Variants in KIF18A observed in about 807,000 individuals in gnomAD.
KIF18A encodes the protein kinesin-like protein KIF18A.
Under a neutral mutation model 103.3 loss-of-function variants are expected in KIF18A, and 67 were observed. That is an observed-to-expected ratio of 0.65 (90% CI 0.53 to 0.79). KIF18A has a LOEUF of 0.79. KIF18A is among the 30% of genes least tolerant of loss of function. KIF18A has a pLI of 0.00. For synonymous variants in KIF18A, 367 were observed against 355.5 expected, an observed-to-expected ratio of 1.03 and a Z score of -0.36; for missense variants, 1,032 against 1,062.5, an observed-to-expected ratio of 0.97 and a Z score of 0.40.
intron 15 of KIF18A, 126 bp downstream of exon 15, chr11:28,035,261 T>G: frequency 2.3e-6 from 1 of 426,184 alleles, no homozygotes. Context: ...TCAGAGAAAT[T>G]TATCCTAAGT....
intron 15 of KIF18A, among the ~76,000 whole-genome samples, chr11:28,034,178 T>C (rs1018727524): frequency 6.6e-6 from 1 of 151,728 alleles, no homozygotes; most frequent in Admixed American, 6.6e-5. Context: ...GTTGAAATTA[T>C]TACAGTTAAA....
intron 16 of KIF18A, among the ~76,000 whole-genome samples, chr11:28,022,860 AG>A (rs1565066661): frequency 2.6e-5 from 4 of 152,204 alleles, no homozygotes; most frequent in Admixed American, 2.0e-4. Flanking sequence ...AAAGTTACTG[AG>A]GAATTTTATA....
chr11:28,028,762 C>A (rs1182066178), intron 15 of KIF18A, among the ~76,000 whole-genome samples: 2 of 151,776 alleles, frequency 1.3e-5, no homozygotes, highest in African/African-American at 4.8e-5. Context: ...AAAAGATCAA[C>A]AAAATTGATA....
At chr11:28,082,772 T>C (rs922520044) in intron 9 of KIF18A, 84 bp downstream of exon 9, 5 of 777,380 alleles carry the variant, frequency 6.4e-6, no homozygotes, top group Non-Finnish European at 1.0e-5. Context: ...ATAAAAGACA[T>C]AACAAATGAT....
chr11:28,052,514 T>C (rs2133516460), intron 13 of KIF18A, among the ~76,000 whole-genome samples: 1 of 152,166 alleles, frequency 6.6e-6, no homozygotes, highest in East Asian at 1.9e-4. Flanking sequence ...AAGTTTCTTC[T>C]CCCAGATATT....
Position 28,036,410 on chromosome 11 carries a change from T to C in KIF18A, c.2203A>G (p.Ile735Val), listed in dbSNP as rs10458896. ...PSSFTTSFQA[I>V]SSNINSDNCL... The stretch of plus-strand genomic sequence containing the variant: ...TTATCACTGTTTATGTTTGAGCTGA[T>C]AGCCTGAAAACTTGTAGTAAATGAT... The change falls in exon 14 of 17, where the codon ATC becomes GTC. Residue 735 changes from isoleucine to valine, a missense_variant. Ile to Val is a conservative substitution (Grantham distance 29). Transcript: ENST00000263181. 0.31 allele frequency: 497,428 copies of C among 1,609,618 alleles called. 81,830 individuals are homozygous for C. Among genetic ancestry groups the C allele is most frequent in the African/African-American group, 0.6 (44,989 of 74,648 alleles).
chr11:28,103,699 A>T (rs1851472276), intron 1 of KIF18A, among the ~76,000 whole-genome samples: 1 of 152,116 alleles, frequency 6.6e-6, no homozygotes, highest in Non-Finnish European at 1.5e-5. Flanking sequence ...AAATGCTCAC[A>T]GACCCCAAAA....
chr11:28,044,896 A>T (rs934611202), intron 13 of KIF18A, among the ~76,000 whole-genome samples: 2 of 152,210 alleles, frequency 1.3e-5, no homozygotes, highest in East Asian at 3.9e-4. Flanking sequence ...CACAGCTAAA[A>T]ATAAAAACAA....
intron 10 of KIF18A, among the ~76,000 whole-genome samples, chr11:28,074,902 ACTC>A (rs1851069832): frequency 6.6e-6 from 1 of 152,084 alleles, no homozygotes; most frequent in South Asian, 2.1e-4. Context: ...ATACAAATAA[ACTC>A]ATCACCAATG....
Position 28,094,805 on chromosome 11 carries a change from G to C in KIF18A, c.326-5C>G. 6.2e-7 allele frequency: 1 copy of C among 1,613,346 alleles called. No homozygotes were observed. The highest frequency in any genetic ancestry group is 8.5e-7 in the Non-Finnish European group (1 of 1,179,424). The stretch of plus-strand genomic sequence containing the variant: ...CAGTGGCACCATAGGCAAGTACTGA[G>C]TTTTTAAGAAAGGGATCAAAACTCT... On this transcript the variant is annotated splice_polypyrimidine_tract_variant and splice_region_variant and intron_variant, in intron 2 of 16. Transcript: ENST00000263181.
chr11:28,037,523 C>G lies in KIF18A; in HGVS notation c.1949-859G>C, dbSNP rs530602322. On this transcript the variant is annotated intron_variant, in intron 13 of 16. Coordinates refer to ENST00000263181, the MANE Select transcript of KIF18A (RefSeq NM_031217.4). The stretch of plus-strand genomic sequence containing the variant: ...ATACTATGCCATTTTATGTAAGGGA[C>G]TTGAGTATCCATGGATTTTGGTATC... 9.9e-5 allele frequency among the ~76,000 whole-genome samples: 15 copies of G among 151,528 alleles called. No homozygotes were observed. The East Asian group carries it at 2.9e-3, about 30-fold the overall frequency.
chr11:28,032,034 G>A (rs966053885), intron 15 of KIF18A, among the ~76,000 whole-genome samples: 4 of 151,510 alleles, frequency 2.6e-5, no homozygotes, highest in African/African-American at 7.3e-5. Flanking sequence ...AACAAATTCA[G>A]TAGAGTTCCA....
At chr11:28,060,933 A>G (rs1850849362) in intron 12 of KIF18A, among the ~76,000 whole-genome samples, 1 of 152,176 alleles carries the variant, frequency 6.6e-6, no homozygotes, top group South Asian at 2.1e-4. Context: ...ATTCTGTGTG[A>G]TTCCACTGGA....
At chr11:28,066,870 T>C (rs1171809975) in intron 11 of KIF18A, among the ~76,000 whole-genome samples, 3 of 150,486 alleles carry the variant, frequency 2.0e-5, no homozygotes, top group Non-Finnish European at 4.4e-5. Flanking sequence ...ATGTACACTT[T>C]TCTTTGTACA....
At chr11:28,090,774 C>T in intron 4 of KIF18A, 47 bp from the exon 5 acceptor site, 1 of 863,846 alleles carries the variant, frequency 1.2e-6, no homozygotes, top group East Asian at 2.5e-5. Flanking sequence ...AGCAATATAT[C>T]TTTAAATTTT....
chr11:28,083,064 T>A, intron 8 of KIF18A, 96 bp from the exon 9 acceptor site: 1 of 1,471,828 alleles, frequency 6.8e-7, no homozygotes. Flanking sequence ...TAACCAGATT[T>A]TAATTTTAAT....
chr11:28,057,667 T>TA (rs939217399), intron 13 of KIF18A, among the ~76,000 whole-genome samples: 35 of 148,838 alleles, frequency 2.4e-4, no homozygotes, highest in East Asian at 1.4e-3. Flanking sequence ...CATGATGCAT[T>TA]AAAAAAAAAA....
At chr11:28,076,241 C>A (rs941247770) in intron 10 of KIF18A, among the ~76,000 whole-genome samples, 1 of 152,130 alleles carries the variant, frequency 6.6e-6, no homozygotes, top group African/African-American at 2.4e-5. Flanking sequence ...AATGTTTGGT[C>A]TGCTTTTCAT....
chr11:28,048,953 A>G (rs1850675409), intron 13 of KIF18A, among the ~76,000 whole-genome samples: 1 of 152,092 alleles, frequency 6.6e-6, no homozygotes, highest in Non-Finnish European at 1.5e-5. Flanking sequence ...AAGGTGCTGG[A>G]CAAAAGTATG....
Sources: gnomAD v4.1 joint callset for allele counts (sites outside exome capture counted in the v4.1 genomes callset) on GRCh38, gnomAD v4.1.1 for gene constraint, MANE v1.5 for transcripts, NCBI Gene and HGNC (gene_info 2026-07-23, HGNC 2026-07-21) for gene names.